The following ZUP1 variants were observed in gnomAD, a reference collection of about 807,000 sequenced individuals.
ZUP1 encodes the protein zinc finger containing ubiquitin peptidase 1, also known as zinc finger-containing ubiquitin peptidase 1.
Under a neutral mutation model 68.1 loss-of-function variants are expected in ZUP1, and 55 were observed. The ratio of observed to expected loss-of-function variants is 0.81; its 90% CI spans 0.65 to 1.01. The LOEUF is 1.01. Ranked by LOEUF, ZUP1 falls within the 50% of genes least tolerant of loss-of-function variation. ZUP1 has a pLI of 0.00. For synonymous variants in ZUP1, 223 were observed against 221.5 expected (o/e 1.01, Z -0.06); for missense variants, 684 against 674.9 (o/e 1.01, Z -0.15).
intron 7 of ZUP1, among the ~76,000 whole-genome samples, chr6:116,647,813 C>T (rs1776359393): frequency 1.3e-5 from 2 of 152,084 alleles, no homozygotes; most frequent in South Asian, 4.1e-4. Flanking sequence ...AACAATTCTC[C>T]CTATTTAACT....
Position 116,652,107 on chromosome 6 carries a change from A to C in ZUP1, c.1047T>G (p.Phe349Leu). 1 of 1,614,068 alleles carries C rather than the reference A, an allele frequency of 6.2e-7. No individual in the cohort carries two copies. The highest frequency in any genetic ancestry group is 8.5e-7 in the Non-Finnish European group (1 of 1,179,916). ...RVWLSSVVDHFHSSLGDKGWG... is the reference protein window; with the variant it reads ...RVWLSSVVDHLHSSLGDKGWG... ...AACCTTTGTCGCCTAAAGATGAATG[A>C]AAGTGATCCACCACTGAAGAAAGCC... Residue 349 changes from phenylalanine (F) to leucine (L), a missense_variant, in exon 6 of 10, where the codon TTT (phenylalanine) becomes TTG (leucine). Transcript: ENST00000368576.
chr6:116,652,634 A>G (rs1776546934), intron 5 of ZUP1, among the ~76,000 whole-genome samples: 1 of 152,100 alleles, frequency 6.6e-6, no homozygotes, highest in Admixed American at 6.5e-5. Flanking sequence ...AGAATACACA[A>G]ATGTTTTCAT....
chr6:116,662,616 C>A lies in ZUP1; in HGVS notation c.560-1770G>T, dbSNP rs573575090. 2.4e-4 allele frequency among the ~76,000 whole-genome samples: 36 copies of A among 152,298 alleles called. 1 individual carries two copies. Among genetic ancestry groups the A allele is most frequent in the East Asian group, 1.7e-3 (9 of 5,196 alleles). On this transcript the variant is annotated intron_variant, in intron 2 of 9. Transcript: ENST00000368576. ...ACCTACCACAATGCCCTCAGAAATA[C>A]CATCGGTCATCAGTCAGCTTCTCTA...
chr6:116,648,032 T>C (rs1313671130), intron 7 of ZUP1, among the ~76,000 whole-genome samples: 1 of 152,236 alleles, frequency 6.6e-6, no homozygotes, highest in African/African-American at 2.4e-5. Flanking sequence ...AGCTGATTTC[T>C]GATTTTAATT....
intron 2 of ZUP1, among the ~76,000 whole-genome samples, chr6:116,666,178 T>G (rs1002143954): frequency 6.6e-6 from 1 of 151,954 alleles, no homozygotes; most frequent in Non-Finnish European, 1.5e-5. Flanking sequence ...CAGAATACAC[T>G]TTTTTTTCCC....
intron 2 of ZUP1, among the ~76,000 whole-genome samples, chr6:116,663,758 T>C (rs1401668860): frequency 4.6e-5 from 7 of 151,672 alleles, no homozygotes; most frequent in South Asian, 4.2e-4. Flanking sequence ...CTGAGTAACA[T>C]AGCAGGACCT....
At chr6:116,660,710 T>C in intron 3 of ZUP1, 26 bp downstream of exon 3, 1 of 1,326,728 alleles carries the variant, frequency 7.5e-7, no homozygotes, top group Non-Finnish European at 1.1e-6. Context: ...TAAATGATAT[T>C]TTTATCTTCA....
At chr6:116,643,099 A>G (rs1203853189) in intron 9 of ZUP1, among the ~76,000 whole-genome samples, 3 of 152,052 alleles carry the variant, frequency 2.0e-5, no homozygotes, top group African/African-American at 7.2e-5. Flanking sequence ...TGCTTCAAAG[A>G]GAATAAAATA....
At chr6:116,663,108 C>A (rs933961459) in intron 2 of ZUP1, among the ~76,000 whole-genome samples, 1 of 152,170 alleles carries the variant, frequency 6.6e-6, no homozygotes, top group African/African-American at 2.4e-5. Context: ...CTAAGTGAAT[C>A]TCTGAAATCT....
intron 4 of ZUP1, among the ~76,000 whole-genome samples, chr6:116,657,370 T>C (rs1194852315): frequency 6.6e-6 from 1 of 152,198 alleles, no homozygotes; most frequent in Non-Finnish European, 1.5e-5. Flanking sequence ...TCACGGAAAC[T>C]TTTCTACAGA....
At chr6:116,654,323 T>C (rs888115327) in intron 5 of ZUP1, among the ~76,000 whole-genome samples, 1 of 151,860 alleles carries the variant, frequency 6.6e-6, no homozygotes, top group Non-Finnish European at 1.5e-5. Flanking sequence ...CAATAAATGG[T>C]AGTGAAATAA....
intron 2 of ZUP1, among the ~76,000 whole-genome samples, chr6:116,663,718 A>G (rs1328156090): frequency 6.6e-6 from 1 of 152,098 alleles, no homozygotes; most frequent in Non-Finnish European, 1.5e-5. Context: ...AGGAAGGAAG[A>G]CTGCTTGAGC....
chr6:116,667,569 C>T (rs975909611), intron 1 of ZUP1, among the ~76,000 whole-genome samples: 2 of 151,994 alleles, frequency 1.3e-5, no homozygotes, highest in African/African-American at 4.8e-5. Context: ...TATCTAAATA[C>T]TGAATACTGA....
rs529579750 is a variant in ZUP1 at position 116,652,279 on chromosome 6, C to A, written c.962-87G>T. ...TTTTAATATCAACCTCTCCTTCACG[C>A]ACCATACCTAAATCCTGTTAATTCC... On this transcript the variant is annotated intron_variant, in intron 5 of 9. Transcript: ENST00000368576. 25 of 991,876 alleles carry A rather than the reference C, an allele frequency of 2.5e-5. No homozygotes were observed. The African/African-American group carries it at 3.4e-4, about 14-fold the overall frequency. 61.4% of individuals were successfully genotyped at this position (991,876 alleles called of 1,614,324 possible). A position where few individuals can be genotyped will look rare whatever the true frequency, so the allele number is the denominator to read the frequency against.
rs753097561 is a variant in ZUP1, at chr6:116,645,736, G to A, written c.1667C>T (p.Ala556Val). The change falls in exon 9 of 10, where the codon GCT (alanine) becomes GTT (valine). Residue 556 changes from alanine (A) to valine (V), a missense_variant. By Grantham distance (64) the Ala-to-Val change is moderately conservative. Transcript: ENST00000368576. ...KQYQILAVEG[A>V]LSLEEKLARR... The stretch of plus-strand genomic sequence containing the variant: ...TACAAGTTTCTCCTCTAGAGAAAGA[G>A]CACCCTCTACTGCCAATATCTGGTA... 1 of 1,612,150 alleles carries A rather than the reference G, an allele frequency of 6.2e-7. No homozygotes were observed. The highest frequency in any genetic ancestry group is 8.5e-7 in the Non-Finnish European group (1 of 1,179,458).
chr6:116,659,003 AAT>A lies in ZUP1; in HGVS notation c.671-81_671-80del, dbSNP rs1776754363. 6.5e-6 allele frequency: 8 copies of A among 1,227,744 alleles called. No homozygotes were observed. The East Asian group carries it at 2.3e-4, about 35-fold the overall frequency. The allele number at this position is 1,227,744 out of a possible 1,614,324, so 76.1% of individuals were successfully genotyped here. A position where few individuals can be genotyped will look rare whatever the true frequency, so the allele number is the denominator to read the frequency against. On this transcript the variant is annotated intron_variant, in intron 3 of 9. Coordinates refer to ENST00000368576, the MANE Select transcript of ZUP1 (RefSeq NM_145062.3). ...TTTATTATTTAATATATGTTTTTAAAATAGAGTAAATGCTGTTATTTGCCATT... is the reference window on the plus strand; with the variant it reads ...TTTATTATTTAATATATGTTTTTAAAAGAGTAAATGCTGTTATTTGCCATT...
rs780961264 is a variant in ZUP1 at position 116,666,903 on chromosome 6, G to C, written c.290C>G (p.Ser97Cys). 6.2e-7 allele frequency: 1 copy of C among 1,611,748 alleles called. No individual in the cohort carries two copies. Among genetic ancestry groups the C allele is most frequent in the South Asian group, 1.1e-5 (1 of 90,376 alleles). ...TTGAGCTGAATTTTTTGGATGATTA[G>C]ATGCACAACCTGAAAGAATACTTGA... The part of the protein sequence containing the change: ...VNSSILSGCA[S>C]NHPKNSAQNL... Residue 97 changes from serine to cysteine, a missense_variant, in exon 2 of 10, where the codon TCT becomes TGT. Transcript: ENST00000368576.
intron 7 of ZUP1, among the ~76,000 whole-genome samples, chr6:116,651,234 ACT>A (rs1776480224): frequency 6.6e-6 from 1 of 152,182 alleles, no homozygotes; most frequent in Admixed American, 6.5e-5. Flanking sequence ...AATGATGTAA[ACT>A]CTGATTTTAA....
chr6:116,657,659 C>A (rs1036261772), intron 4 of ZUP1, among the ~76,000 whole-genome samples: 3 of 152,174 alleles, frequency 2.0e-5, no homozygotes, highest in Admixed American at 2.0e-4. Context: ...TATGTACATG[C>A]ACATTAGTAT....
Sources: allele counts gnomAD v4.1 joint callset (sites outside exome capture counted in the v4.1 genomes callset), GRCh38; gene constraint gnomAD v4.1.1; transcripts MANE v1.5; gene names NCBI Gene and HGNC (gene_info 2026-07-23, HGNC 2026-07-21).